The following POU2F1 variants were observed in gnomAD, a reference collection of about 807,000 sequenced individuals.
The protein encoded by POU2F1 is POU domain, class 2, transcription factor 1.
A neutral mutation model predicts 84.9 loss-of-function variants in POU2F1; 16 were observed. The observed-to-expected ratio is 0.19, with a 90% CI of 0.13 to 0.29. POU2F1 has a LOEUF of 0.29. POU2F1 is among the 10% of genes least tolerant of loss of function. The probability of loss-of-function intolerance (pLI) is 1.00; values close to 1 mark genes in which losing one functional copy is unlikely to be tolerated. For missense variants in POU2F1, 738 were observed against 942.6 expected, an observed-to-expected ratio of 0.78 and a Z score of 2.84; for synonymous variants, 368 against 368.3, an observed-to-expected ratio of 1.00 and a Z score of 0.01.
intron 7 of POU2F1, 74 bp downstream of exon 7, chr1:167,376,229 A>C: frequency 6.8e-7 from 1 of 1,463,042 alleles, no homozygotes; most frequent in Non-Finnish European, 9.2e-7. Context: ...ATGAACTACT[A>C]TCATTTTGGC....
chr1:167,237,235 C>T (rs374572538), intron 1 of POU2F1, among the ~76,000 whole-genome samples: 4 of 152,262 alleles, frequency 2.6e-5, no homozygotes, highest in African/African-American at 9.6e-5. Flanking sequence ...GGCTATCTAA[C>T]GAGAACATAC....
chr1:167,269,037 T>G (rs1652177316), intron 1 of POU2F1, among the ~76,000 whole-genome samples: 1 of 152,240 alleles, frequency 6.6e-6, no homozygotes, highest in African/African-American at 2.4e-5. Flanking sequence ...CAGAAATTCT[T>G]GCTAATCTGC....
At chr1:167,309,524 C>G (rs1655314462) in intron 1 of POU2F1, among the ~76,000 whole-genome samples, 1 of 152,114 alleles carries the variant, frequency 6.6e-6, no homozygotes, top group African/African-American at 2.4e-5. Context: ...AGCTTGGATG[C>G]CTGCCTTACT....
intron 1 of POU2F1, among the ~76,000 whole-genome samples, chr1:167,272,901 A>G (rs1272117569): frequency 6.6e-6 from 1 of 152,154 alleles, no homozygotes; most frequent in Non-Finnish European, 1.5e-5. Context: ...ATTAACTCAA[A>G]AGTCCACAAT....
chr1:167,328,407 C>T (rs1656850862), intron 1 of POU2F1, among the ~76,000 whole-genome samples: 2 of 152,102 alleles, frequency 1.3e-5, no homozygotes, highest in South Asian at 2.1e-4. Flanking sequence ...TGGAAAATTC[C>T]CTATCAGTAG....
intron 4 of POU2F1, among the ~76,000 whole-genome samples, chr1:167,370,941 C>CCT (rs1417551327): frequency 6.6e-6 from 1 of 152,094 alleles, no homozygotes; most frequent in East Asian, 1.9e-4. Context: ...CCTGCTGGTT[C>CCT]CTTTCATTAT....
At chr1:167,331,249 ATCT>A in intron 1 of POU2F1, among the ~76,000 whole-genome samples, 2 of 152,190 alleles carry the variant, frequency 1.3e-5, no homozygotes, top group South Asian at 4.1e-4. Context: ...GCTATTACAC[ATCT>A]TCTTGTTGGA....
At chr1:167,235,498 T>C (rs573240495) in intron 1 of POU2F1, among the ~76,000 whole-genome samples, 83 of 152,338 alleles carry the variant, frequency 5.4e-4, no homozygotes, top group Admixed American at 5.9e-4. Flanking sequence ...CGGCTTATGC[T>C]GTTGGAATCA....
intron 6 of POU2F1, among the ~76,000 whole-genome samples, chr1:167,375,804 A>C (rs1216054439): frequency 2.0e-5 from 3 of 152,236 alleles, no homozygotes; most frequent in Non-Finnish European, 4.4e-5. Context: ...GGCTTATCAT[A>C]ACAATATATG....
chr1:167,237,752 A>G lies in POU2F1; in HGVS notation c.61+16794A>G, dbSNP rs1385196532. ...AATCCATATATGTGTGTGTGTATAT[A>G]TATATATATATATATATATATTTTT... On this transcript the variant is annotated intron_variant, in intron 1 of 15. Coordinates refer to ENST00000367866, the MANE Select transcript of POU2F1 (RefSeq NM_002697.4). 6.6e-3 allele frequency among the ~76,000 whole-genome samples: 314 copies of G among 47,824 alleles called. 4 individuals are homozygous for G. The highest frequency in any genetic ancestry group is 0.02 in the African/African-American group (257 of 12,546). 31.4% of individuals were successfully genotyped at this position (47,824 alleles called of 152,430 possible).
chr1:167,226,391 T>C (rs1197044660), intron 1 of POU2F1, among the ~76,000 whole-genome samples: 1 of 152,226 alleles, frequency 6.6e-6, no homozygotes, highest in African/African-American at 2.4e-5. Context: ...GCAGTTTCCT[T>C]ATGCATCTTT....
chr1:167,252,288 A>G (rs1040539331), intron 1 of POU2F1, among the ~76,000 whole-genome samples: 2 of 152,124 alleles, frequency 1.3e-5, no homozygotes, highest in African/African-American at 4.8e-5. Flanking sequence ...AGACGCTTTT[A>G]CAAATGAAGG....
chr1:167,239,052 T>G (rs1486771036), intron 1 of POU2F1, among the ~76,000 whole-genome samples: 1 of 152,232 alleles, frequency 6.6e-6, no homozygotes, highest in Non-Finnish European at 1.5e-5. Context: ...TTTTTGTGTA[T>G]GGTGTAAGGT....
chr1:167,347,504 G>A (rs1373633475), intron 2 of POU2F1, among the ~76,000 whole-genome samples: 1 of 152,150 alleles, frequency 6.6e-6, no homozygotes, highest in Non-Finnish European at 1.5e-5. Context: ...TACCAGAACT[G>A]CAGTCTTTTA....
intron 1 of POU2F1, among the ~76,000 whole-genome samples, chr1:167,273,027 C>T (rs1054475311): frequency 6.6e-6 from 1 of 152,174 alleles, no homozygotes; most frequent in African/African-American, 2.4e-5. Flanking sequence ...TAAACACACC[C>T]ATTCCAAAAG....
At chr1:167,376,768 G>A (rs1268290626) in intron 7 of POU2F1, among the ~76,000 whole-genome samples, 2 of 151,986 alleles carry the variant, frequency 1.3e-5, no homozygotes, top group East Asian at 3.9e-4. Flanking sequence ...TTTCTGAGTG[G>A]GTTTTTTTGC....
At chr1:167,343,090 G>A (rs78171582) in intron 2 of POU2F1, among the ~76,000 whole-genome samples, 2 of 152,074 alleles carry the variant, frequency 1.3e-5, no homozygotes, top group African/African-American at 2.4e-5. Context: ...TGATCAGTAC[G>A]TATTGAGAAA....
At chr1:167,236,929 A>T (rs1433612564) in intron 1 of POU2F1, among the ~76,000 whole-genome samples, 1 of 152,208 alleles carries the variant, frequency 6.6e-6, no homozygotes, top group Non-Finnish European at 1.5e-5. Context: ...GAAAGATAAT[A>T]GAGTTTTAGC....
chr1:167,223,023 A>T (rs1305877449), intron 1 of POU2F1, among the ~76,000 whole-genome samples: 1 of 152,110 alleles, frequency 6.6e-6, no homozygotes, highest in Non-Finnish European at 1.5e-5. Flanking sequence ...CAACAGTTTC[A>T]TAATTTCTTG....
Sources: allele counts gnomAD v4.1 joint callset (sites outside exome capture counted in the v4.1 genomes callset), GRCh38; gene constraint gnomAD v4.1.1; transcripts MANE v1.5; gene names NCBI Gene and HGNC (gene_info 2026-07-23, HGNC 2026-07-21).